DBT: variants seen among roughly 807,000 people sequenced by gnomAD.
DBT encodes lipoamide acyltransferase component of branched-chain alpha-keto acid dehydrogenase complex, mitochondrial.
Under a neutral mutation model 51.3 loss-of-function variants are expected in DBT, and 40 were observed. The observed-to-expected ratio is 0.78, with a 90% CI of 0.61 to 1.02. The LOEUF (loss-of-function observed/expected upper bound fraction) is 1.02. DBT is among the 50% of genes least tolerant of loss of function. The probability of loss-of-function intolerance (pLI) is 0.00; values close to 1 mark genes in which losing one functional copy is unlikely to be tolerated. For synonymous variants in DBT, 181 were observed against 190.4 expected (o/e 0.95, Z 0.41); for missense variants, 510 against 580.2 (o/e 0.88, Z 1.24).
chr1:100,208,073 T>G (rs1661906965), intron 8 of DBT, among the ~76,000 whole-genome samples: 1 of 151,954 alleles, frequency 6.6e-6, no homozygotes, highest in Admixed American at 6.6e-5. Context: ...AGGCAGAGTT[T>G]GCAGTGAGCC....
At chr1:100,233,999 G>A (rs951672861) in intron 3 of DBT, among the ~76,000 whole-genome samples, 6 of 152,144 alleles carry the variant, frequency 3.9e-5, no homozygotes, top group South Asian at 4.1e-4. Context: ...GATTTATCAC[G>A]GCTAGCAGAT....
chr1:100,212,405 G>T (rs573249295), intron 7 of DBT, among the ~76,000 whole-genome samples: 5 of 152,154 alleles, frequency 3.3e-5, no homozygotes, highest in Non-Finnish European at 7.4e-5. Flanking sequence ...AGGTGTGGTG[G>T]TGCACACCTG....
chr1:100,223,997 G>A (rs904343268), intron 4 of DBT, among the ~76,000 whole-genome samples: 3 of 152,018 alleles, frequency 2.0e-5, no homozygotes, highest in Non-Finnish European at 2.9e-5. Flanking sequence ...AGGACTTGGA[G>A]GTCACAAATA....
chr1:100,200,194 G>A (rs886806744), intron 10 of DBT, among the ~76,000 whole-genome samples: 4 of 152,166 alleles, frequency 2.6e-5, no homozygotes, highest in African/African-American at 7.2e-5. Context: ...GTCTGAAGTC[G>A]ACCTGGGATG....
At chr1:100,197,220 T>C (rs1661169043) in intron 10 of DBT, among the ~76,000 whole-genome samples, 1 of 152,210 alleles carries the variant, frequency 6.6e-6, no homozygotes, top group Non-Finnish European at 1.5e-5. Context: ...GATCTCCTCA[T>C]GGCTGGGATA....
chr1:100,248,720 G>C (rs1000071538), intron 1 of DBT, among the ~76,000 whole-genome samples: 2 of 152,216 alleles, frequency 1.3e-5, no homozygotes, highest in African/African-American at 2.4e-5. Context: ...AAAGAAGAGA[G>C]ACCAATATGT....
chr1:100,199,521 C>T (rs1570799760), intron 10 of DBT, among the ~76,000 whole-genome samples: 1 of 152,186 alleles, frequency 6.6e-6, no homozygotes, highest in African/African-American at 2.4e-5. Flanking sequence ...ACCCAGATCG[C>T]CACCATTTAT....
At chr1:100,231,997 T>C (rs1663578817) in intron 3 of DBT, among the ~76,000 whole-genome samples, 1 of 152,230 alleles carries the variant, frequency 6.6e-6, no homozygotes, top group Non-Finnish European at 1.5e-5. Context: ...AGATGGTCTC[T>C]GACTTTTATA....
chr1:100,219,651 G>T (rs568836464), intron 4 of DBT, among the ~76,000 whole-genome samples: 6 of 151,942 alleles, frequency 3.9e-5, no homozygotes, highest in East Asian at 1.9e-4. Flanking sequence ...AGGAAGCTGA[G>T]GCGGGGAGAA....
intron 7 of DBT, among the ~76,000 whole-genome samples, chr1:100,213,963 AAAAAGAG>A (rs1179319989): frequency 7.4e-6 from 1 of 134,490 alleles, no homozygotes; most frequent in Non-Finnish European, 1.6e-5. Context: ...AAAAAAAAAA[AAAAAGAG>A]AGAGATAATG....
intron 10 of DBT, among the ~76,000 whole-genome samples, chr1:100,200,524 A>C (rs1163988073): frequency 6.6e-6 from 1 of 152,222 alleles, no homozygotes; most frequent in East Asian, 1.9e-4. Context: ...TGAAAAGAGC[A>C]GTGGATCTCC....
At chr1:100,213,750 T>A (rs1330666983) in intron 7 of DBT, 13 of 1,536,560 alleles carry the variant, frequency 8.5e-6, no homozygotes, top group Non-Finnish European at 1.1e-5. Flanking sequence ...TTTTATTTGA[T>A]TAAGCTTCAG....
chr1:100,230,672 C>T, intron 4 of DBT, 61 bp downstream of exon 4: 2 of 1,060,800 alleles, frequency 1.9e-6, no homozygotes, highest in Non-Finnish European at 2.8e-6. Flanking sequence ...TTAATTGGGA[C>T]CCAATGACAA....
At position 100,202,736 on chromosome 1, in the gene DBT, A is replaced by G. The variant is rs189790778; in HGVS notation, c.1281+3494T>C. On this transcript the variant is annotated intron_variant, in intron 10 of 10. Transcript: ENST00000370132. ...GAAACAATAACAAGCAGTCTCTCAG[A>G]CCACAGTGCAATCAAATTAGAACTC... Among the ~76,000 whole-genome samples, 72 of 152,338 alleles carry G rather than the reference A, an allele frequency of 4.7e-4. 1 individual carries two copies. Among genetic ancestry groups the G allele is most frequent in the Middle Eastern group, 3.4e-3 (1 of 294 alleles).
At chr1:100,198,850 T>C (rs923561119) in intron 10 of DBT, among the ~76,000 whole-genome samples, 1 of 152,114 alleles carries the variant, frequency 6.6e-6, no homozygotes, top group African/African-American at 2.4e-5. Context: ...AAAGAATTTG[T>C]GAGGGTTCCA....
chr1:100,240,644 C>A, intron 2 of DBT, 117 bp downstream of exon 2: 1 of 829,562 alleles, frequency 1.2e-6, no homozygotes, highest in Non-Finnish European at 2.1e-6. Context: ...AAGGGCCCGG[C>A]TAGAAATACA....
At chr1:100,235,170 G>A (rs374739475) in intron 3 of DBT, among the ~76,000 whole-genome samples, 5 of 151,926 alleles carry the variant, frequency 3.3e-5, no homozygotes, top group Non-Finnish European at 5.9e-5. Context: ...AGTCATTTTC[G>A]TAACAGTGAA....
At position 100,213,508 on chromosome 1, in the gene DBT, C is replaced by G. The variant is rs183027545; in HGVS notation, c.939+1309G>C. ...TCATCCGCTATCCTACCAACTCTAT[C>G]GTGGTCGTGGGAGGCTGTCCCGTCT... is the stretch of plus-strand genomic sequence containing the variant. On this transcript the variant is annotated intron_variant, in intron 7 of 10. Coordinates refer to ENST00000370132, the MANE Select transcript of DBT (RefSeq NM_001918.5). 2.5e-4 allele frequency: 382 copies of G among 1,540,738 alleles called. No homozygotes were observed. The African/African-American group carries it at 4.3e-3, about 17-fold the overall frequency.
chr1:100,206,987 G>A (rs997505028), intron 8 of DBT, among the ~76,000 whole-genome samples: 4 of 152,156 alleles, frequency 2.6e-5, no homozygotes, highest in Admixed American at 1.3e-4. Context: ...GCTGAGGCAC[G>A]AGAATCGCTT....
Sources: allele counts gnomAD v4.1 joint callset (sites outside exome capture counted in the v4.1 genomes callset), GRCh38; gene constraint gnomAD v4.1.1; transcripts MANE v1.5; gene names NCBI Gene and HGNC (gene_info 2026-07-23, HGNC 2026-07-21).